Variants in LAMA2 observed in about 807,000 individuals in gnomAD.
LAMA2 encodes laminin subunit alpha-2.
LAMA2 carries 269 observed loss-of-function variants against 364.8 expected under a neutral mutation model. That is an observed-to-expected ratio of 0.74 (90% CI 0.67 to 0.82). The LOEUF is 0.82. LAMA2 is among the 40% of genes least tolerant of loss of function. The pLI, the probability that LAMA2 is intolerant of heterozygous loss-of-function variation, is 0.00. For missense variants in LAMA2, 3,807 were observed against 3,873.2 expected (o/e 0.98, Z 0.45); for synonymous variants, 1,379 against 1,370.6 (o/e 1.01, Z -0.14).
chr6:129,432,216 C>G (rs936175189), intron 41 of LAMA2, among the ~76,000 whole-genome samples: 1 of 152,078 alleles, frequency 6.6e-6, no homozygotes, highest in Non-Finnish European at 1.5e-5. Context: ...AATTGCTGAT[C>G]CCTCATACAA....
intron 34 of LAMA2, among the ~76,000 whole-genome samples, chr6:129,371,407 G>T (rs1778068983): frequency 1.3e-5 from 2 of 152,036 alleles, no homozygotes; most frequent in Admixed American, 1.3e-4. Context: ...AATTTCATCT[G>T]CTTAGGGGTA....
In LAMA2 at chr6:129,294,879, A is replaced by AAAT. The variant is rs113692789; in HGVS notation, c.2857-2802_2857-2800dup. 8.3e-3 allele frequency among the ~76,000 whole-genome samples: 1,257 copies of AAAT among 152,254 alleles called. 16 individuals carry two copies. The highest frequency in any genetic ancestry group is 0.029 in the African/African-American group (1,192 of 41,520). ...ATGTTGTTAAATGAAGAAATGTTTA[A>AAAT]AATAATTTTTTTTCAAAAACAAATG... On this transcript the variant is annotated intron_variant, in intron 20 of 64. Transcript: ENST00000421865.
chr6:129,008,650 T>C (rs1362381290), intron 1 of LAMA2, among the ~76,000 whole-genome samples: 6 of 152,174 alleles, frequency 3.9e-5, no homozygotes, highest in Non-Finnish European at 5.9e-5. Flanking sequence ...GCAAAAGTAA[T>C]AATAATATTT....
intron 37 of LAMA2, among the ~76,000 whole-genome samples, chr6:129,396,392 A>T (rs1006815310): frequency 1.3e-5 from 2 of 152,206 alleles, no homozygotes; most frequent in African/African-American, 4.8e-5. Flanking sequence ...AGTGGAGAGG[A>T]ATTGGAAGAA....
intron 9 of LAMA2, among the ~76,000 whole-genome samples, chr6:129,169,809 G>A (rs1780014881): frequency 7.0e-6 from 1 of 142,080 alleles, no homozygotes. Flanking sequence ...TTTTTGGTTG[G>A]TAAGCTATTG....
chr6:129,158,745 G>T, intron 8 of LAMA2: 1 of 1,614,152 alleles, frequency 6.2e-7, no homozygotes. Context: ...AAATTGGTCC[G>T]ACAACATTCT....
chr6:129,124,222 T>A (rs1333539470), intron 4 of LAMA2, among the ~76,000 whole-genome samples: 2 of 152,202 alleles, frequency 1.3e-5, no homozygotes, highest in Non-Finnish European at 2.9e-5. Context: ...TTGGCACATC[T>A]GTTGTAAGTT....
intron 1 of LAMA2, among the ~76,000 whole-genome samples, chr6:129,030,826 T>C (rs1786168355): frequency 6.6e-6 from 1 of 152,182 alleles, no homozygotes; most frequent in South Asian, 2.1e-4. Context: ...AATATTTTAC[T>C]GAGCACCTAT....
In LAMA2 at chr6:129,297,679, T is replaced by A; in HGVS notation, c.2857-6T>A. The A allele has an allele frequency of 6.2e-7, 1 of 1,613,440 alleles. No individual in the cohort carries two copies. The highest frequency in any genetic ancestry group is 8.5e-7 in the Non-Finnish European group (1 of 1,179,810). On this transcript the variant is annotated splice_region_variant and splice_polypyrimidine_tract_variant and intron_variant, in intron 20 of 64. Coordinates refer to ENST00000421865, the MANE Select transcript of LAMA2 (RefSeq NM_000426.4). ...ATTTAATTTTTCTCTCCTCTTCCAT[T>A]GCCAGGCTGGGACCTTTGGCCTACA...
chr6:129,330,050 T>A (rs1775538943), intron 29 of LAMA2, among the ~76,000 whole-genome samples: 2 of 151,724 alleles, frequency 1.3e-5, no homozygotes, highest in Non-Finnish European at 1.5e-5. Context: ...TGATGATCAA[T>A]GATCTGTCAC....
intron 28 of LAMA2, among the ~76,000 whole-genome samples, chr6:129,320,875 A>G (rs1774923195): frequency 6.6e-6 from 1 of 152,254 alleles, no homozygotes; most frequent in African/African-American, 2.4e-5. Flanking sequence ...GATTTGTGAA[A>G]ATATTTAACA....
chr6:129,119,357 T>C (rs990465655), intron 4 of LAMA2, among the ~76,000 whole-genome samples: 1 of 152,120 alleles, frequency 6.6e-6, no homozygotes, highest in Non-Finnish European at 1.5e-5. Context: ...AAATTATTTA[T>C]CATATCTCCA....
In LAMA2 at chr6:129,270,719, C is replaced by T; in HGVS notation, c.2418C>T (p.Pro806=). ...AAGGAACCTCTGAAGACTGTCAACCCTGTGCCTGTCCACTCAATATCCCAT... is the reference window on the plus strand; with the variant it reads ...AAGGAACCTCTGAAGACTGTCAACCTTGTGCCTGTCCACTCAATATCCCAT... The part of the protein sequence containing the change: ...PTKGTSEDCQ[P]CACPLNIPSN... The change falls in exon 17 of 65, where the codon CCC becomes CCT. Residue 806 remains proline, a synonymous_variant. Transcript: ENST00000421865. 1 of 1,613,248 alleles carries T rather than the reference C, an allele frequency of 6.2e-7. No homozygotes were observed. Among genetic ancestry groups the T allele is most frequent in the Non-Finnish European group, 8.5e-7 (1 of 1,179,478 alleles).
In LAMA2 at chr6:129,438,708, G is replaced by T; in HGVS notation, c.6031G>T (p.Asp2011Tyr). The change falls in exon 42 of 65, where the codon GAT (aspartate) becomes TAT (tyrosine). Residue 2011 changes from aspartate to tyrosine, a missense_variant. Physicochemically the swap from Asp to Tyr is radical, Grantham distance 160. Around this residue, in one of 3 missense-constraint regions of LAMA2, gnomAD observed 3,333 missense variants for 3,345.7 expected, o/e 1.00. Coordinates refer to ENST00000421865, the MANE Select transcript of LAMA2 (RefSeq NM_000426.4). ...AGAAAATGCTGATGCTAGAAATGGGGATCTCTTGAGAACTTTGAATGACAC... is the reference window on the plus strand; with the variant it reads ...AGAAAATGCTGATGCTAGAAATGGGTATCTCTTGAGAACTTTGAATGACAC... ...RIENADARNG[D>Y]LLRTLNDTLG... The T allele has an allele frequency of 6.2e-7, 1 of 1,609,770 alleles. No individual in the cohort carries two copies. Among genetic ancestry groups the T allele is most frequent in the Non-Finnish European group, 8.5e-7 (1 of 1,176,448 alleles).
chr6:129,019,047 A>G (rs1261727607), intron 1 of LAMA2, among the ~76,000 whole-genome samples: 1 of 151,960 alleles, frequency 6.6e-6, no homozygotes, highest in East Asian at 1.9e-4. Context: ...CTGAATTAGG[A>G]TTGATTATTC....
chr6:129,050,458 G>A (rs975543654), intron 2 of LAMA2, among the ~76,000 whole-genome samples: 2 of 152,132 alleles, frequency 1.3e-5, no homozygotes. Flanking sequence ...GTAGGATATC[G>A]TCTTTGAGCT....
At chr6:129,468,793 C>T (rs1783668424) in intron 51 of LAMA2, among the ~76,000 whole-genome samples, 1 of 151,884 alleles carries the variant, frequency 6.6e-6, no homozygotes, top group South Asian at 2.1e-4. Flanking sequence ...AGATGCTGTG[C>T]TGCATCAGTG....
chr6:129,305,333 T>A (rs1235891674), intron 22 of LAMA2, among the ~76,000 whole-genome samples: 1 of 151,910 alleles, frequency 6.6e-6, no homozygotes, highest in Non-Finnish European at 1.5e-5. Context: ...GCCTTTTTTT[T>A]TTTTATTCTG....
At chr6:129,386,025 G>A (rs188028813) in intron 35 of LAMA2, among the ~76,000 whole-genome samples, 57 of 151,946 alleles carry the variant, frequency 3.8e-4, no homozygotes, top group Non-Finnish European at 5.2e-4. Flanking sequence ...TGCATTGAAC[G>A]TTATGGCATG....
Sources: allele counts gnomAD v4.1 joint callset (sites outside exome capture counted in the v4.1 genomes callset), GRCh38; gene constraint gnomAD v4.1.1; regional missense constraint gnomAD v4.1.1; transcripts MANE v1.5; gene names NCBI Gene and HGNC (gene_info 2026-07-23, HGNC 2026-07-21).